Variants in DNAJC13 observed in about 807,000 individuals in gnomAD.
DNAJC13 encodes DnaJ heat shock protein family (Hsp40) member C13, also known as dnaJ homolog subfamily C member 13.
Under a neutral mutation model 290.5 loss-of-function variants are expected in DNAJC13, and 75 were observed. The observed-to-expected ratio is 0.26, with a 90% CI of 0.21 to 0.31. The LOEUF (loss-of-function observed/expected upper bound fraction) is 0.31, where lower values mean the gene tolerates loss of function less well. DNAJC13 is among the 10% of genes least tolerant of loss of function. The pLI is 1.00. For synonymous variants in DNAJC13, 862 were observed against 892.0 expected (o/e 0.97, Z 0.60); for missense variants, 2,260 against 2,674.5 (o/e 0.85, Z 3.42).
rs1936663488 is a variant in DNAJC13, at chr3:132,538,400, T to TTTTTCTATAA, written c.*119_*128dup. 12 of 679,770 alleles carry TTTTTCTATAA rather than the reference T, an allele frequency of 1.8e-5. No individual in the cohort carries two copies. The East Asian group carries it at 3.4e-4, about 20-fold the overall frequency. 42.1% of individuals were successfully genotyped at this position (679,770 alleles called of 1,614,324 possible). A position where few individuals can be genotyped will look rare whatever the true frequency, so the allele number is the denominator to read the frequency against. ...CCTGGTTTCATGACAGTGTTATTCC[T>TTTTTCTATAA]TTTTCTATAAATATATTTTTAGGAA... On this transcript the variant is annotated 3_prime_UTR_variant, in exon 56 of 56. Transcript: ENST00000260818.
rs1936146221 is a variant in DNAJC13, at chr3:132,523,214, T to G, written c.5886+15T>G. The G allele has an allele frequency of 1.9e-6, 3 of 1,613,250 alleles. No individual in the cohort carries two copies. The highest frequency in any genetic ancestry group is 2.2e-5 in the South Asian group (2 of 91,036). ...CAAACTGGAAGGTAAAATATACTTTTATTTTACATCTTATTTTCTGTTGAT... is the reference window on the plus strand; with the variant it reads ...CAAACTGGAAGGTAAAATATACTTTGATTTTACATCTTATTTTCTGTTGAT... On this transcript the variant is annotated intron_variant, in intron 50 of 55. Transcript: ENST00000260818.
chr3:132,501,065 G>T, intron 39 of DNAJC13, 152 bp downstream of exon 39: 2 of 1,020,194 alleles, frequency 2.0e-6, no homozygotes, highest in Non-Finnish European at 2.8e-6. Flanking sequence ...CAGAAGCCTT[G>T]CTGTAAATGG....
At chr3:132,512,502 G>A (rs1335211448) in intron 44 of DNAJC13, among the ~76,000 whole-genome samples, 1 of 152,162 alleles carries the variant, frequency 6.6e-6, no homozygotes, top group East Asian at 1.9e-4. Context: ...AGGATTTGAG[G>A]TGGGTAGGAA....
chr3:132,471,238 G>C (rs1475321014), intron 20 of DNAJC13, among the ~76,000 whole-genome samples: 2 of 137,766 alleles, frequency 1.5e-5, no homozygotes, highest in East Asian at 2.3e-4. Context: ...CTGGCCGGGC[G>C]GGGGGCTGAC....
chr3:132,466,374 G>A lies in DNAJC13; in HGVS notation c.2044G>A (p.Asp682Asn). 1 of 1,598,006 alleles carries A rather than the reference G, an allele frequency of 6.3e-7. No individual in the cohort carries two copies. Among genetic ancestry groups the A allele is most frequent in the Non-Finnish European group, 8.5e-7 (1 of 1,175,338 alleles). ...GGATGCTGATCGGATGCATGTTAGA[G>A]ACAATGTGAAAATAGCAATGGTAAA... The part of the protein sequence containing the change: ...EKDADRMHVR[D>N]NVKIAMDQYG... Residue 682 changes from aspartate (D) to asparagine (N), a missense_variant, in exon 19 of 56, where the codon GAC becomes AAC. By Grantham distance (23) the Asp-to-Asn change is conservative. Coordinates refer to ENST00000260818, the MANE Select transcript of DNAJC13 (RefSeq NM_015268.4).
intron 50 of DNAJC13, 143 bp from the exon 51 acceptor site, chr3:132,523,397 T>TATA: frequency 3.3e-6 from 4 of 1,216,518 alleles, no homozygotes; most frequent in Middle Eastern, 5.5e-4. Flanking sequence ...TGAACTTTAT[T>TATA]AAGAAAAAAT....
Position 132,494,162 on chromosome 3 carries a change from A to T in DNAJC13, c.3844A>T (p.Thr1282Ser). The T allele has an allele frequency of 6.2e-7, 1 of 1,609,010 alleles. No individual in the cohort carries two copies. Among genetic ancestry groups the T allele is most frequent in the Non-Finnish European group, 8.5e-7 (1 of 1,178,318 alleles). The change falls in exon 34 of 56, where the codon ACC becomes TCC. Residue 1282 changes from threonine (T) to serine (S), a missense_variant. By Grantham distance (58) the Thr-to-Ser change is moderately conservative. Transcript: ENST00000260818. ...IKDPVKLLKDTLDAWKKEVEK... is the reference protein window; with the variant it reads ...IKDPVKLLKDSLDAWKKEVEK... ...CTTTAAGGTTAAGCTTCTAAAAGAT[A>T]CCCTTGATGCCTGGAAGAAAGAAGT...
chr3:132,476,939 T>G (rs1469866457), intron 22 of DNAJC13, among the ~76,000 whole-genome samples: 1 of 152,224 alleles, frequency 6.6e-6, no homozygotes, highest in Non-Finnish European at 1.5e-5. Flanking sequence ...CTGCTTTATT[T>G]TACTCTGTAG....
intron 5 of DNAJC13, among the ~76,000 whole-genome samples, chr3:132,448,481 TAACAGCAGC>T (rs955426898): frequency 6.6e-6 from 1 of 152,120 alleles, no homozygotes; most frequent in African/African-American, 2.4e-5. Flanking sequence ...TCCAGTAATG[TAACAGCAGC>T]ATTTAAACTA....
At chr3:132,504,625 A>G (rs976269019) in intron 41 of DNAJC13, among the ~76,000 whole-genome samples, 1 of 152,216 alleles carries the variant, frequency 6.6e-6, no homozygotes, top group African/African-American at 2.4e-5. Context: ...TATAAGATGG[A>G]GGTCATAGTC....
In DNAJC13 at chr3:132,516,711, G is replaced by T; in HGVS notation, c.5568G>T (p.Leu1856Phe). The T allele has an allele frequency of 6.2e-7, 1 of 1,610,974 alleles. No individual in the cohort carries two copies. The highest frequency in any genetic ancestry group is 1.1e-5 in the South Asian group (1 of 89,948). The change falls in exon 48 of 56, where the codon TTG becomes TTT. Residue 1856 changes from leucine to phenylalanine, a missense_variant. By Grantham distance (22) the Leu-to-Phe change is conservative. Around this residue, in one of 3 missense-constraint regions of DNAJC13, gnomAD observed 1,494 missense variants for 1,693.7 expected, o/e 0.88. Coordinates refer to ENST00000260818, the MANE Select transcript of DNAJC13 (RefSeq NM_015268.4). The part of the protein sequence containing the change: ...IIKEAMAKGA[L>F]IYLLDMFCNS... ...TATCTTTTTCCTTCATAGGTGCTTT[G>T]ATCTATTTACTGGATATGTTCTGCA...
chr3:132,419,841 C>T (rs1170104461), intron 1 of DNAJC13, among the ~76,000 whole-genome samples: 1 of 152,176 alleles, frequency 6.6e-6, no homozygotes, highest in Non-Finnish European at 1.5e-5. Flanking sequence ...TGTTTCTCAA[C>T]TTTATTAGAC....
At chr3:132,521,979 C>T (rs570190630) in intron 48 of DNAJC13, among the ~76,000 whole-genome samples, 4 of 152,272 alleles carry the variant, frequency 2.6e-5, no homozygotes, top group African/African-American at 9.6e-5. Flanking sequence ...TCATTGGCTG[C>T]TAGGAAATTC....
intron 42 of DNAJC13, 138 bp from the exon 43 acceptor site, chr3:132,507,099 T>A (rs760122235): frequency 3.8e-6 from 2 of 524,248 alleles, no homozygotes; most frequent in Admixed American, 7.3e-5. Context: ...AAAGTCTTTT[T>A]AAGTGCTGTG....
chr3:132,502,238 T>C (rs1411781026), intron 39 of DNAJC13, 51 bp from the exon 40 acceptor site: 2 of 1,453,022 alleles, frequency 1.4e-6, no homozygotes, highest in Admixed American at 4.8e-5. Flanking sequence ...GGAGCTTTTT[T>C]TTTTTTTTTT....
intron 25 of DNAJC13, among the ~76,000 whole-genome samples, chr3:132,479,807 A>T (rs1431899447): frequency 2.6e-5 from 4 of 152,184 alleles, no homozygotes; most frequent in Admixed American, 1.3e-4. Context: ...TTCACAATTT[A>T]TGTTGAAGTG....
chr3:132,425,602 A>AT (rs1399282358), intron 1 of DNAJC13, among the ~76,000 whole-genome samples: 4 of 152,130 alleles, frequency 2.6e-5, no homozygotes, highest in Non-Finnish European at 5.9e-5. Flanking sequence ...CCGTTCTTGC[A>AT]TTTTACAGAC....
chr3:132,448,747 C>CT (rs1465663044), intron 5 of DNAJC13, among the ~76,000 whole-genome samples: 2 of 152,092 alleles, frequency 1.3e-5, no homozygotes, highest in East Asian at 1.9e-4. Flanking sequence ...TATTCTGCTA[C>CT]TTTTTTTAGC....
chr3:132,511,437 T>C (rs1408718357), intron 44 of DNAJC13, among the ~76,000 whole-genome samples, 193 bp downstream of exon 44: 1 of 152,184 alleles, frequency 6.6e-6, no homozygotes, highest in East Asian at 1.9e-4. Flanking sequence ...CAAGGCACTA[T>C]GTTTAGAAAA....
Sources: gnomAD v4.1 joint callset for allele counts (sites outside exome capture counted in the v4.1 genomes callset) on GRCh38, gnomAD v4.1.1 for gene constraint, gnomAD v4.1.1 regional missense constraint, MANE v1.5 for transcripts, NCBI Gene and HGNC (gene_info 2026-07-23, HGNC 2026-07-21) for gene names.